PLCL2: variants seen among roughly 807,000 people sequenced by gnomAD.
The protein encoded by PLCL2 is inactive phospholipase C-like protein 2.
In PLCL2, 4 loss-of-function variants were observed where a neutral mutation model predicts 79.6. That is an observed-to-expected ratio of 0.05 (90% CI 0.02 to 0.11). The LOEUF is 0.11. Ranked by LOEUF, PLCL2 falls within the 10% of genes least tolerant of loss-of-function variation. PLCL2 has a pLI of 1.00. For missense variants in PLCL2, 895 were observed against 1,291.0 expected (o/e 0.69, Z 4.70); for synonymous variants, 484 against 457.7 (o/e 1.06, Z -0.73).
rs772813610 is a variant in PLCL2, at chr3:17,067,957, C to T, written c.3096C>T (p.Ala1032=). The change falls in exon 5 of 6, where the codon GCC becomes GCT. Residue 1032 remains alanine (A), a splice_region_variant and synonymous_variant. Transcript: ENST00000615277. ...YEKIVHCQKA[A]MEFHEHLHSI... is the part of the protein sequence containing the mutation. ...CTTTGTCTTTTTTATTTCTTTCAGCCATGGAATTCCATGAACACTTGCACA... is the reference window on the plus strand; with the variant it reads ...CTTTGTCTTTTTTATTTCTTTCAGCTATGGAATTCCATGAACACTTGCACA... The T allele has an allele frequency of 6.3e-7, 1 of 1,578,002 alleles. No individual in the cohort carries two copies. Among genetic ancestry groups the T allele is most frequent in the Non-Finnish European group, 8.7e-7 (1 of 1,152,410 alleles).
chr3:16,902,270 T>C (rs1379337816), intron 1 of PLCL2, among the ~76,000 whole-genome samples: 1 of 152,074 alleles, frequency 6.6e-6, no homozygotes, highest in Non-Finnish European at 1.5e-5. Context: ...TTTTAAGGAG[T>C]TGGCAAGGTT....
intron 1 of PLCL2, among the ~76,000 whole-genome samples, chr3:16,929,439 A>C (rs556162954): frequency 3.3e-5 from 5 of 152,310 alleles, no homozygotes; most frequent in Non-Finnish European, 7.4e-5. Flanking sequence ...TGGTGAAGTT[A>C]TCAGACACTC....
chr3:16,981,360 T>G (rs1157428031), intron 1 of PLCL2, among the ~76,000 whole-genome samples: 2 of 152,298 alleles, frequency 1.3e-5, no homozygotes, highest in Middle Eastern at 6.8e-3. Context: ...ACAACATACG[T>G]CAAAGGTTTA....
At chr3:17,023,936 C>A (rs1228355231) in intron 3 of PLCL2, among the ~76,000 whole-genome samples, 1 of 152,162 alleles carries the variant, frequency 6.6e-6, no homozygotes, top group Admixed American at 6.5e-5. Context: ...CTTATTGACA[C>A]CATCCCCATC....
intron 1 of PLCL2, among the ~76,000 whole-genome samples, chr3:16,962,550 G>C (rs1167600831): frequency 1.3e-5 from 2 of 151,978 alleles, no homozygotes. Context: ...AGAATTAAAG[G>C]AATGGATATA....
intron 1 of PLCL2, among the ~76,000 whole-genome samples, chr3:16,962,938 C>A (rs973283749): frequency 6.6e-6 from 1 of 151,972 alleles, no homozygotes; most frequent in Admixed American, 6.6e-5. Context: ...ACCAATATAT[C>A]TTTTCAAACT....
intron 3 of PLCL2, among the ~76,000 whole-genome samples, chr3:17,015,781 CAAGGACAA>C (rs1257828049): frequency 6.6e-6 from 1 of 152,146 alleles, no homozygotes; most frequent in Non-Finnish European, 1.5e-5. Flanking sequence ...TTGCTGTGCT[CAAGGACAA>C]AACAGGATCG....
At chr3:17,079,692 TA>T (rs1287402348) in intron 5 of PLCL2, among the ~76,000 whole-genome samples, 1 of 152,160 alleles carries the variant, frequency 6.6e-6, no homozygotes, top group Non-Finnish European at 1.5e-5. Flanking sequence ...GAAGGAAAAG[TA>T]AAATTGTTTC....
chr3:16,939,098 G>A (rs1376664822), intron 1 of PLCL2, among the ~76,000 whole-genome samples: 3 of 152,150 alleles, frequency 2.0e-5, no homozygotes, highest in African/African-American at 7.2e-5. Flanking sequence ...GCCCATCCAT[G>A]CTGTGCAGAT....
intron 3 of PLCL2, among the ~76,000 whole-genome samples, chr3:17,031,093 G>C (rs1232161987): frequency 6.6e-6 from 1 of 152,148 alleles, no homozygotes; most frequent in Non-Finnish European, 1.5e-5. Context: ...GAAGTAGCTT[G>C]CTCACTGAAT....
At chr3:17,070,668 G>A (rs1315476238) in intron 5 of PLCL2, among the ~76,000 whole-genome samples, 1 of 152,062 alleles carries the variant, frequency 6.6e-6, no homozygotes. Flanking sequence ...AGGGAATCTT[G>A]AACGTGAATT....
intron 5 of PLCL2, among the ~76,000 whole-genome samples, chr3:17,070,654 T>G (rs1409669374): frequency 6.6e-6 from 1 of 152,168 alleles, no homozygotes; most frequent in Non-Finnish European, 1.5e-5. Context: ...GAATGAGTGC[T>G]GACAGGGAAT....
intron 1 of PLCL2, among the ~76,000 whole-genome samples, chr3:16,997,730 G>C (rs2064168235): frequency 6.6e-6 from 1 of 151,628 alleles, no homozygotes; most frequent in South Asian, 2.1e-4. Flanking sequence ...AGTAGAGATG[G>C]GGTTTCACAG....
At chr3:16,993,161 A>G (rs1179818580) in intron 1 of PLCL2, among the ~76,000 whole-genome samples, 1 of 152,184 alleles carries the variant, frequency 6.6e-6, no homozygotes, top group Non-Finnish European at 1.5e-5. Flanking sequence ...AACTTAACAC[A>G]TTATTAATAA....
intron 3 of PLCL2, among the ~76,000 whole-genome samples, chr3:17,023,191 C>T (rs1172021400): frequency 6.6e-6 from 1 of 152,344 alleles, no homozygotes; most frequent in Admixed American, 6.5e-5. Flanking sequence ...ATTTCCTCCT[C>T]TCTGTTCTCT....
rs2064312427 is a variant in PLCL2, at chr3:17,010,753, T to C, written c.1407T>C (p.Ser469=). The C allele has an allele frequency of 6.2e-7, 1 of 1,613,686 alleles. No homozygotes were observed. The highest frequency in any genetic ancestry group is 1.7e-5 in the Admixed American group (1 of 59,974). Reference sequence around the variant, plus strand: ...GAGCTCTTAAAATGGGTTGCCGGAGTGTTGAATTAGATGTATGGGATGGGC... The same window carrying C: ...GAGCTCTTAAAATGGGTTGCCGGAGCGTTGAATTAGATGTATGGGATGGGC... ...YIRALKMGCR[S]VELDVWDGPD... The change falls in exon 2 of 6, where the codon AGT becomes AGC. Residue 469 remains serine (S), a synonymous_variant. Transcript: ENST00000615277. The surrounding 1 kb of genome is among the most constrained non-coding windows in gnomAD (Gnocchi z 5.8).
chr3:17,016,880 C>T (rs2064391002), intron 3 of PLCL2, among the ~76,000 whole-genome samples: 1 of 152,202 alleles, frequency 6.6e-6, no homozygotes, highest in South Asian at 2.1e-4. Flanking sequence ...ATTTCTATGA[C>T]AGTCATACAG....
intron 4 of PLCL2, among the ~76,000 whole-genome samples, chr3:17,054,083 T>C (rs941336198): frequency 6.6e-6 from 1 of 152,158 alleles, no homozygotes; most frequent in African/African-American, 2.4e-5. Context: ...TTCCTGTGCA[T>C]ATGAGCATAG....
intron 1 of PLCL2, among the ~76,000 whole-genome samples, chr3:16,970,297 T>G (rs1479604586): frequency 6.6e-6 from 1 of 151,448 alleles, no homozygotes; most frequent in Non-Finnish European, 1.5e-5. Flanking sequence ...CACCAATAAG[T>G]GAGAACATGC....
Sources: allele counts gnomAD v4.1 joint callset (sites outside exome capture counted in the v4.1 genomes callset), GRCh38; gene constraint gnomAD v4.1.1; non-coding constraint Gnocchi (gnomAD v3.1); transcripts MANE v1.5; gene names NCBI Gene and HGNC (gene_info 2026-07-23, HGNC 2026-07-21).